The following BLTP1 variants were observed in gnomAD, a reference collection of about 807,000 sequenced individuals.
BLTP1 encodes fragile site-associated protein.
the BLTP1 span, chr4:122,222,988 C>A: frequency 1.0e-6 from 1 of 958,602 alleles, no homozygotes; most frequent in Non-Finnish European, 1.2e-6. Flanking sequence ...TAAAAAATTT[C>A]ATAAAAATTT....
At chr4:122,194,087 C>A in the BLTP1 span, among the ~76,000 whole-genome samples, 1 of 152,158 alleles carries the variant, frequency 6.6e-6, no homozygotes, top group South Asian at 2.1e-4. Flanking sequence ...TGGTCTCGAT[C>A]TCCTGACCTC....
At chr4:122,228,634 C>A in the BLTP1 span, among the ~76,000 whole-genome samples, 9 of 152,196 alleles carry the variant, frequency 5.9e-5, no homozygotes, top group Non-Finnish European at 1.3e-4. Context: ...TTTCTTCTAA[C>A]CTAAACATCA....
At chr4:122,331,253 CAT>C in the BLTP1 span, 1 of 1,494,836 alleles carries the variant, frequency 6.7e-7, no homozygotes, top group Non-Finnish European at 8.9e-7. Context: ...GCTCACATAA[CAT>C]GTTGGAAAAT....
chr4:122,220,011 G>A, the BLTP1 span, among the ~76,000 whole-genome samples: 1 of 152,020 alleles, frequency 6.6e-6, no homozygotes, highest in Non-Finnish European at 1.5e-5. Flanking sequence ...ATCCTGGGTC[G>A]CTCTAAGGAC....
the BLTP1 span, chr4:122,262,979 A>T: frequency 6.2e-6 from 10 of 1,613,330 alleles, no homozygotes; most frequent in African/African-American, 2.7e-5. Context: ...CCCTAACGAG[A>T]ACAGGTACGT....
At chr4:122,351,318 C>T in the BLTP1 span, 1 of 630,012 alleles carries the variant, frequency 1.6e-6, no homozygotes, top group African/African-American at 2.0e-5. Flanking sequence ...CTGTGAACAC[C>T]TTAGAGCATA....
chr4:122,229,292 A>T, the BLTP1 span: 4 of 1,368,312 alleles, frequency 2.9e-6, no homozygotes, highest in Non-Finnish European at 4.0e-6. Context: ...ACTAAACCAA[A>T]CCTCTATTTC....
chr4:122,347,645 T>C, the BLTP1 span: 15 of 1,613,798 alleles, frequency 9.3e-6, no homozygotes, highest in Non-Finnish European at 1.2e-5. Context: ...TTCACCCACA[T>C]GCCTCAGTCA....
chr4:122,176,424 T>G, the BLTP1 span, among the ~76,000 whole-genome samples: 1 of 152,190 alleles, frequency 6.6e-6, no homozygotes, highest in Non-Finnish European at 1.5e-5. Context: ...GGCATCACAT[T>G]TTACCAAAAT....
At chr4:122,286,426 A>C in the BLTP1 span, 1 of 1,501,154 alleles carries the variant, frequency 6.7e-7, no homozygotes, top group Non-Finnish European at 8.9e-7. Flanking sequence ...CATATATTTC[A>C]AGATAGGTTT....
the BLTP1 span, among the ~76,000 whole-genome samples, chr4:122,212,715 GT>G: frequency 6.6e-6 from 1 of 152,000 alleles, no homozygotes. Flanking sequence ...TTTTAGACTT[GT>G]TTATAAGTTC....
the BLTP1 span, among the ~76,000 whole-genome samples, chr4:122,317,871 A>AT: frequency 1.1e-4 from 17 of 151,820 alleles, no homozygotes; most frequent in South Asian, 1.5e-3. Flanking sequence ...ACATCCAGAC[A>AT]TTTTTTTTGC....
chr4:122,260,395 A>G, the BLTP1 span, among the ~76,000 whole-genome samples: 1 of 152,240 alleles, frequency 6.6e-6, no homozygotes, highest in African/African-American at 2.4e-5. Flanking sequence ...TCTCATCCTT[A>G]TCAGTAAGAA....
At chr4:122,282,236 C>A in the BLTP1 span, 1 of 238,958 alleles carries the variant, frequency 4.2e-6, no homozygotes, top group Non-Finnish European at 6.8e-6. Flanking sequence ...TGAAATATAT[C>A]ATGTATACAA....
At chr4:122,198,966 T>G in the BLTP1 span, among the ~76,000 whole-genome samples, 1 of 152,146 alleles carries the variant, frequency 6.6e-6, no homozygotes, top group Non-Finnish European at 1.5e-5. Context: ...TGTCATTACA[T>G]GAGGGGAATA....
chr4:122,153,911 A>T, the BLTP1 span: 1 of 682,610 alleles, frequency 1.5e-6, no homozygotes, highest in Non-Finnish European at 1.8e-6. Flanking sequence ...GGACTAAAAG[A>T]GTTTCGTCCT....
At chr4:122,215,326 G>A in the BLTP1 span, 33 of 949,010 alleles carry the variant, frequency 3.5e-5, no homozygotes, top group Non-Finnish European at 4.0e-5. Flanking sequence ...ATTTTTTTAA[G>A]ATTTACAATG....
At chr4:122,162,502 C>G in the BLTP1 span, 1 of 985,300 alleles carries the variant, frequency 1.0e-6, no homozygotes, top group Non-Finnish European at 1.2e-6. Context: ...AAATTGTAAT[C>G]AACCAGTTCT....
At chr4:122,236,301 T>C in the BLTP1 span, among the ~76,000 whole-genome samples, 1 of 152,230 alleles carries the variant, frequency 6.6e-6, no homozygotes, top group Non-Finnish European at 1.5e-5. Flanking sequence ...GCAGGTTTGC[T>C]AGAATGAGAG....
Sources: allele counts gnomAD v4.1 joint callset (sites outside exome capture counted in the v4.1 genomes callset), GRCh38; gene constraint gnomAD v4.1.1; transcripts MANE v1.5; gene names NCBI Gene and HGNC (gene_info 2026-07-23, HGNC 2026-07-21).